Variants in HSPG2 observed in about 807,000 individuals in gnomAD.
HSPG2 encodes the protein basement membrane-specific heparan sulfate proteoglycan core protein.
Under a neutral mutation model 526.6 loss-of-function variants are expected in HSPG2, and 278 were observed. The observed-to-expected ratio is 0.53, with a 90% CI of 0.48 to 0.58. The LOEUF (loss-of-function observed/expected upper bound fraction) is 0.58. Ranked by LOEUF, HSPG2 falls within the 20% of genes least tolerant of loss-of-function variation. The pLI is 0.00. For missense variants in HSPG2, 5,354 were observed against 6,099.5 expected (o/e 0.88, Z 4.07); for synonymous variants, 2,465 against 2,555.4 (o/e 0.96, Z 1.07).
At chr1:21,901,262 A>G (rs1034255313) in intron 1 of HSPG2, among the ~76,000 whole-genome samples, 3 of 152,072 alleles carry the variant, frequency 2.0e-5, no homozygotes, top group Non-Finnish European at 4.4e-5. Flanking sequence ...TGAGGCGTTT[A>G]CTTATACAGT....
intron 55 of HSPG2, chr1:21,851,323 A>G: frequency 1.6e-6 from 1 of 620,824 alleles, no homozygotes; most frequent in Non-Finnish European, 2.8e-6. Context: ...TAGCACAGAG[A>G]GGTTAAGTAA....
chr1:21,852,513 G>A (rs1277814783), intron 52 of HSPG2, among the ~76,000 whole-genome samples, 187 bp downstream of exon 52: 1 of 152,242 alleles, frequency 6.6e-6, no homozygotes, highest in East Asian at 1.9e-4. Context: ...GAGGAGTCAT[G>A]TGGCCAAAGC....
intron 44 of HSPG2, among the ~76,000 whole-genome samples, chr1:21,856,675 C>G (rs892991446): frequency 1.3e-5 from 2 of 152,176 alleles, no homozygotes; most frequent in Admixed American, 1.3e-4. Flanking sequence ...CCTCAGCCTC[C>G]CAAAGTGCTG....
chr1:21,896,933 C>G (rs1283453537), intron 1 of HSPG2, among the ~76,000 whole-genome samples: 2 of 152,214 alleles, frequency 1.3e-5, no homozygotes, highest in African/African-American at 2.4e-5. Context: ...CTGGGCCCAG[C>G]AGCGCGGAGG....
In HSPG2 at chr1:21,846,547, G is replaced by A. The variant is rs747104714; in HGVS notation, c.8217C>T (p.Ala2739=). Residue 2739 remains alanine (A), a synonymous_variant, in exon 63 of 97, where the codon GCC becomes GCT. Transcript: ENST00000374695. The stretch of plus-strand genomic sequence containing the variant: ...AGTTCAGATCCAGGGTCTCCCCTTC[G>A]GCCACGTGTGAGGAGGATGACTCAA... ...IRIESSSSHV[A]EGETLDLNCV... The A allele has an allele frequency of 8.1e-6, 13 of 1,613,576 alleles. No homozygotes were observed. Among genetic ancestry groups the A allele is most frequent in the Admixed American group, 3.3e-5 (2 of 60,008 alleles).
intron 1 of HSPG2, among the ~76,000 whole-genome samples, chr1:21,912,044 G>A (rs1295411551): frequency 2.0e-5 from 3 of 152,194 alleles, no homozygotes; most frequent in African/African-American, 4.8e-5. Context: ...TCTGAGACAC[G>A]TTGATAGTTT....
chr1:21,878,412 G>A (rs1404753290), intron 20 of HSPG2, 21 bp downstream of exon 20: 1 of 1,596,032 alleles, frequency 6.3e-7, no homozygotes, highest in Non-Finnish European at 8.5e-7. Flanking sequence ...GGTGTCAGGG[G>A]ATGGTGGCAG....
In HSPG2 at chr1:21,881,368, C is replaced by T; in HGVS notation, c.1789G>A (p.Ala597Thr). 1 of 1,614,204 alleles carries T rather than the reference C, an allele frequency of 6.2e-7. No homozygotes were observed. ...RRFLVHDSFW[A>T]LPEQFLGNKV... ...TTGCCCAGGAACTGTTCAGGCAGAG[C>T]CCAGAAGGAGTCGTGGACGAGGAAG... is the stretch of plus-strand genomic sequence containing the variant. Residue 597 changes from alanine (A) to threonine (T), a missense_variant, in exon 14 of 97, where the codon GCT becomes ACT. Coordinates refer to ENST00000374695, the MANE Select transcript of HSPG2 (RefSeq NM_005529.7).
intron 1 of HSPG2, among the ~76,000 whole-genome samples, chr1:21,906,523 G>C (rs1173158897): frequency 6.6e-6 from 1 of 152,326 alleles, no homozygotes; most frequent in Middle Eastern, 3.4e-3. Flanking sequence ...AGATAGGCCT[G>C]TGGAGAGCAG....
chr1:21,831,056 C>T lies in HSPG2; in HGVS notation c.11597G>A (p.Ser3866Asn). The stretch of plus-strand genomic sequence containing the variant: ...GCCAGCTGGGCAGACGCACACGTAG[C>T]TGCTGCTCTCAGAGTCATGGCACTG... ...GGQCHDSESSSYVCVCPAGFT... is the reference protein window; with the variant it reads ...GGQCHDSESSNYVCVCPAGFT... Residue 3866 changes from serine (S) to asparagine (N), a missense_variant, in exon 85 of 97, where the codon AGC becomes AAC. By Grantham distance (46) the Ser-to-Asn change is conservative. Transcript: ENST00000374695. 1 of 1,594,254 alleles carries T rather than the reference C, an allele frequency of 6.3e-7. No homozygotes were observed. Among genetic ancestry groups the T allele is most frequent in the South Asian group, 1.1e-5 (1 of 88,700 alleles).
chr1:21,851,336 T>A, intron 55 of HSPG2: 2 of 650,016 alleles, frequency 3.1e-6, no homozygotes, highest in Non-Finnish European at 5.3e-6. Flanking sequence ...TTAAGTAACT[T>A]GTCCGAGGTC....
intron 66 of HSPG2, 23 bp from the exon 67 acceptor site, chr1:21,842,944 A>T: frequency 6.2e-7 from 1 of 1,613,718 alleles, no homozygotes; most frequent in Non-Finnish European, 8.5e-7. Context: ...GGGGTGGGTG[A>T]GAGAGGCCAG....
Position 21,844,211 on chromosome 1 carries a change from G to C in HSPG2, c.8553C>G (p.Pro2851=). 6.2e-7 allele frequency: 1 copy of C among 1,613,790 alleles called. No homozygotes were observed. Among genetic ancestry groups the C allele is most frequent in the Non-Finnish European group, 8.5e-7 (1 of 1,180,022 alleles). The change falls in exon 65 of 97, where the codon CCC becomes CCG. Residue 2851 remains proline, a synonymous_variant. Transcript: ENST00000374695. The part of the protein sequence containing the change: ...GQTLDLKCVV[P]GQAHAQVTWH... ...ACGTGACCTGGGCGTGGGCCTGCCC[G>C]GGCACCACGCACTTCAGATCCAGGG...
chr1:21,856,250 C>A (rs143757015), intron 44 of HSPG2, among the ~76,000 whole-genome samples: 1 of 152,302 alleles, frequency 6.6e-6, no homozygotes, highest in East Asian at 1.9e-4. Flanking sequence ...CGTGCTCCTG[C>A]CTCAGGGCCT....
chr1:21,933,298 C>G (rs1192281990), intron 1 of HSPG2, among the ~76,000 whole-genome samples: 1 of 151,882 alleles, frequency 6.6e-6, no homozygotes, highest in Non-Finnish European at 1.5e-5. Flanking sequence ...TGGCAGGAGG[C>G]CGGGTGTTGC....
intron 91 of HSPG2, 144 bp downstream of exon 91, chr1:21,827,719 A>G: frequency 3.2e-6 from 3 of 945,226 alleles, no homozygotes; most frequent in East Asian, 2.6e-5. Context: ...CTAGCTCCAC[A>G]TGGCTGTGGT....
intron 79 of HSPG2, 21 bp downstream of exon 79, chr1:21,833,446 T>A: frequency 6.2e-7 from 1 of 1,614,134 alleles, no homozygotes. Context: ...GCACTGCCAA[T>A]TCTTAGGGGT....
rs754923775 is a variant in HSPG2 at position 21,858,601 on chromosome 1, C to G, written c.5293+965G>C. On this transcript the variant is annotated intron_variant, in intron 42 of 96. Coordinates refer to ENST00000374695, the MANE Select transcript of HSPG2 (RefSeq NM_005529.7). The surrounding 1 kb of genome is among the most constrained non-coding windows in gnomAD (Gnocchi z 4.2). ...TTCCCAAACATCTCAGACTCTAACA[C>G]GTCCAAAACAAACTTGCGATTCTCT... Among the ~76,000 whole-genome samples the G allele has an allele frequency of 6.6e-6, 1 of 152,240 alleles. No homozygotes were observed. Among genetic ancestry groups the G allele is most frequent in the African/African-American group, 2.4e-5 (1 of 41,468 alleles).
Position 21,831,051 on chromosome 1 carries a change from C to G in HSPG2, c.11602G>C (p.Val3868Leu). 2.5e-6 allele frequency: 4 copies of G among 1,592,956 alleles called. No individual in the cohort carries two copies. Among genetic ancestry groups the G allele is most frequent in the Non-Finnish European group, 3.4e-6 (4 of 1,170,052 alleles). ...QCHDSESSSY[V>L]CVCPAGFTGS... ...GTGAAGCCAGCTGGGCAGACGCACA[C>G]GTAGCTGCTGCTCTCAGAGTCATGG... Residue 3868 changes from valine (V) to leucine (L), a missense_variant, in exon 85 of 97, where the codon GTG (valine) becomes CTG (leucine). Val to Leu is a conservative substitution (Grantham distance 32). Coordinates refer to ENST00000374695, the MANE Select transcript of HSPG2 (RefSeq NM_005529.7).
Sources: allele counts gnomAD v4.1 joint callset (sites outside exome capture counted in the v4.1 genomes callset), GRCh38; gene constraint gnomAD v4.1.1; non-coding constraint Gnocchi (gnomAD v3.1); transcripts MANE v1.5; gene names NCBI Gene and HGNC (gene_info 2026-07-23, HGNC 2026-07-21).